TMTC2: variants seen among roughly 807,000 people sequenced by gnomAD.
TMTC2 encodes transmembrane O-mannosyltransferase targeting cadherins 2.
A neutral mutation model predicts 82.4 loss-of-function variants in TMTC2; 43 were observed. That is an observed-to-expected ratio of 0.52 (90% confidence interval 0.41 to 0.67). TMTC2 has a LOEUF of 0.67. Ranked by LOEUF, TMTC2 falls within the 30% of genes least tolerant of loss-of-function variation. The probability of loss-of-function intolerance (pLI) is 0.00; values close to 1 mark genes in which losing one functional copy is unlikely to be tolerated. For synonymous variants in TMTC2, 408 were observed against 381.9 expected, an observed-to-expected ratio of 1.07 and a Z score of -0.80; for missense variants, 919 against 1,012.4, an observed-to-expected ratio of 0.91 and a Z score of 1.25.
intron 11 of TMTC2, among the ~76,000 whole-genome samples, chr12:83,119,974 T>G (rs1326082405): frequency 6.6e-6 from 1 of 152,238 alleles, no homozygotes; most frequent in Non-Finnish European, 1.5e-5. Flanking sequence ...TCACTTTTGG[T>G]GTCCATTTGC....
intron 1 of TMTC2, among the ~76,000 whole-genome samples, chr12:82,809,322 C>A (rs557776270): frequency 3.3e-5 from 5 of 151,794 alleles, no homozygotes; most frequent in Admixed American, 2.0e-4. Flanking sequence ...TGATTATAAC[C>A]TGGTTGGGAA....
chr12:83,030,317 G>C, intron 8 of TMTC2, among the ~76,000 whole-genome samples: 1 of 152,032 alleles, frequency 6.6e-6, no homozygotes, highest in East Asian at 1.9e-4. Flanking sequence ...AGGAATGACT[G>C]TGTAATTCAA....
chr12:82,888,200 G>A (rs1019739786), intron 2 of TMTC2, among the ~76,000 whole-genome samples: 4 of 152,190 alleles, frequency 2.6e-5, no homozygotes, highest in African/African-American at 7.2e-5. Context: ...CCATACTGGT[G>A]TGAAATGTAT....
chr12:82,942,832 AT>A (rs984678490), intron 4 of TMTC2, among the ~76,000 whole-genome samples: 1 of 152,082 alleles, frequency 6.6e-6, no homozygotes. Context: ...ATCTAGCTTA[AT>A]TTTTTTATTT....
intron 1 of TMTC2, among the ~76,000 whole-genome samples, chr12:82,706,044 C>T (rs1873335586): frequency 6.6e-6 from 1 of 152,026 alleles, no homozygotes; most frequent in Non-Finnish European, 1.5e-5. Flanking sequence ...TGAGGTGGCT[C>T]CTGCCTGTAT....
rs768469161 is a variant in TMTC2 at position 83,133,618 on chromosome 12, G to A, written c.*1229G>A. On this transcript the variant is annotated 3_prime_UTR_variant, in exon 12 of 12. Transcript: ENST00000321196. ...AAACTATTTTTCACTAGCAAAATTG[G>A]TATTTTATTTCATTACCTGTTAGTA... The A allele has an allele frequency of 2.6e-5, 4 of 152,114 alleles. No homozygotes were observed. Among genetic ancestry groups the A allele is most frequent in the Admixed American group, 6.6e-5 (1 of 15,264 alleles). 9.4% of individuals were successfully genotyped at this position (152,114 alleles called of 1,614,324 possible).
intron 9 of TMTC2, among the ~76,000 whole-genome samples, chr12:83,036,478 C>CTTT (rs1332894300): frequency 2.9e-5 from 3 of 103,210 alleles, no homozygotes; most frequent in South Asian, 3.0e-4. Context: ...GTCCCCGAGT[C>CTTT]TTTTTTTTTT....
chr12:82,895,964 C>T lies in TMTC2; in HGVS notation c.801C>T (p.Leu267=). The T allele has an allele frequency of 6.2e-7, 1 of 1,613,940 alleles. No homozygotes were observed. The highest frequency in any genetic ancestry group is 1.3e-5 in the African/African-American group (1 of 74,968). The change falls in exon 3 of 12, where the codon CTC becomes CTT. Residue 267 remains leucine (L), a synonymous_variant. Transcript: ENST00000321196. ...DNPAADSDSL[L]TRTLTFFYLP... ...CCGCTGCTGATTCGGACAGCCTCCTCACCCGCACTCTCACCTTCTTCTACT... is the reference window on the plus strand; with the variant it reads ...CCGCTGCTGATTCGGACAGCCTCCTTACCCGCACTCTCACCTTCTTCTACT...
intron 11 of TMTC2, among the ~76,000 whole-genome samples, chr12:83,089,851 A>C (rs1056768148): frequency 1.5e-4 from 21 of 136,040 alleles, no homozygotes; most frequent in African/African-American, 3.0e-4. Flanking sequence ...AAAAAACAAA[A>C]AAAAAAAAAC....
At chr12:83,104,937 G>T (rs1884346168) in intron 11 of TMTC2, among the ~76,000 whole-genome samples, 1 of 152,176 alleles carries the variant, frequency 6.6e-6, no homozygotes, top group East Asian at 1.9e-4. Flanking sequence ...GTGTCAGAGA[G>T]TAGGCTGTTA....
chr12:82,930,637 T>C (rs1875978283), intron 4 of TMTC2, 92 bp downstream of exon 4: 1 of 714,134 alleles, frequency 1.4e-6, no homozygotes, highest in Non-Finnish European at 2.4e-6. Context: ...GAGATGATGA[T>C]AGCTATTGTC....
At chr12:83,081,183 C>T (rs1392993305) in intron 11 of TMTC2, among the ~76,000 whole-genome samples, 2 of 152,154 alleles carry the variant, frequency 1.3e-5, no homozygotes. Flanking sequence ...AACTCAGTCA[C>T]CTTCTCATGT....
intron 3 of TMTC2, among the ~76,000 whole-genome samples, chr12:82,903,272 A>G (rs1157064183): frequency 6.6e-6 from 1 of 151,938 alleles, no homozygotes; most frequent in Non-Finnish European, 1.5e-5. Context: ...TCCTCTTTCC[A>G]TGCTTCATTT....
At chr12:82,970,393 G>A (rs1046639379) in intron 7 of TMTC2, among the ~76,000 whole-genome samples, 3 of 152,146 alleles carry the variant, frequency 2.0e-5, no homozygotes, top group African/African-American at 7.2e-5. Context: ...CTGCAGTGGC[G>A]CAATCTCGCC....
At chr12:83,065,513 T>C (rs1256319872) in intron 11 of TMTC2, among the ~76,000 whole-genome samples, 1 of 152,002 alleles carries the variant, frequency 6.6e-6, no homozygotes, top group South Asian at 2.1e-4. Context: ...CATTTTAAAA[T>C]TTTATTTACT....
intron 1 of TMTC2, among the ~76,000 whole-genome samples, chr12:82,708,038 C>T (rs1873448512): frequency 6.6e-6 from 1 of 152,138 alleles, no homozygotes; most frequent in South Asian, 2.1e-4. Flanking sequence ...GGGGCAAACC[C>T]ACCCTGCAGT....
At chr12:82,815,537 C>T (rs183619547) in intron 1 of TMTC2, among the ~76,000 whole-genome samples, 292 of 152,164 alleles carry the variant, frequency 1.9e-3, no homozygotes, top group Non-Finnish European at 3.2e-3. Context: ...TGGTCTGGAC[C>T]TCCTGCCCTC....
At chr12:83,081,404 G>A (rs1445689536) in intron 11 of TMTC2, among the ~76,000 whole-genome samples, 1 of 152,144 alleles carries the variant, frequency 6.6e-6, no homozygotes, top group Non-Finnish European at 1.5e-5. Flanking sequence ...GTAGTGAAAT[G>A]TTGGCTTACG....
intron 1 of TMTC2, among the ~76,000 whole-genome samples, chr12:82,798,637 T>C (rs1255434487): frequency 6.6e-6 from 1 of 151,382 alleles, no homozygotes; most frequent in East Asian, 2.0e-4. Context: ...TGAAACCCTG[T>C]CTCTACTAAA....
Sources: allele counts gnomAD v4.1 joint callset (sites outside exome capture counted in the v4.1 genomes callset), GRCh38; gene constraint gnomAD v4.1.1; transcripts MANE v1.5; gene names NCBI Gene and HGNC (gene_info 2026-07-23, HGNC 2026-07-21).